PTPRT: variants seen among roughly 807,000 people sequenced by gnomAD.
PTPRT encodes the protein protein tyrosine phosphatase receptor type T, also known as receptor-type tyrosine-protein phosphatase T.
In PTPRT, 56 loss-of-function variants were observed where a neutral mutation model predicts 176.8. The ratio of observed to expected loss-of-function variants is 0.32; its 90% confidence interval spans 0.26 to 0.40. The LOEUF is 0.40. Among genes scored for constraint, PTPRT ranks in the 10% least tolerant of loss-of-function variants. PTPRT has a pLI of 1.00. For synonymous variants in PTPRT, 783 were observed against 739.0 expected, an observed-to-expected ratio of 1.06 and a Z score of -0.96; for missense variants, 1,540 against 1,908.2, an observed-to-expected ratio of 0.81 and a Z score of 3.60.
At chr20:42,128,922 A>G in intron 18 of PTPRT, 92 bp from the exon 19 acceptor site, 3 of 1,016,270 alleles carry the variant, frequency 3.0e-6, no homozygotes, top group Non-Finnish European at 4.2e-6. Context: ...TAATGACTGC[A>G]TATCAGGCAT....
chr20:42,308,486 C>T (rs1018708421), intron 12 of PTPRT, among the ~76,000 whole-genome samples: 7 of 152,064 alleles, frequency 4.6e-5, no homozygotes, highest in East Asian at 3.9e-4. Flanking sequence ...CTGGACAAAT[C>T]GGTATATGCC....
chr20:42,898,872 CA>C (rs1308372411), intron 1 of PTPRT, among the ~76,000 whole-genome samples: 3 of 152,126 alleles, frequency 2.0e-5, no homozygotes, highest in Non-Finnish European at 2.9e-5. Flanking sequence ...GCTGAGAGAA[CA>C]GGGGGAGAGA....
chr20:43,082,166 T>C (rs1185658192), intron 1 of PTPRT, among the ~76,000 whole-genome samples: 1 of 152,192 alleles, frequency 6.6e-6, no homozygotes, highest in Non-Finnish European at 1.5e-5. Context: ...AATCACATAT[T>C]GCCTGATCTT....
intron 2 of PTPRT, among the ~76,000 whole-genome samples, chr20:42,877,594 C>A (rs1192630133): frequency 1.3e-5 from 2 of 152,118 alleles, no homozygotes; most frequent in Non-Finnish European, 2.9e-5. Context: ...TGAGAAAGTT[C>A]AATTATTAAT....
chr20:42,926,798 C>A (rs1487524896), intron 1 of PTPRT, among the ~76,000 whole-genome samples: 2 of 152,252 alleles, frequency 1.3e-5, no homozygotes, highest in African/African-American at 2.4e-5. Context: ...AAATAATACA[C>A]GTCAAGCCTC....
rs377283986 is a variant in PTPRT, at chr20:42,576,187, G to A, written c.1153+101679C>T. Among the ~76,000 whole-genome samples the A allele has an allele frequency of 2.6e-5, 4 of 152,152 alleles. No individual in the cohort carries two copies. The South Asian group carries it at 6.2e-4, about 24-fold the overall frequency. On this transcript the variant is annotated intron_variant, in intron 7 of 30. Transcript: ENST00000373187. The stretch of plus-strand genomic sequence containing the variant: ...TGTCCCTAGATAATCTGGCAGGGGC[G>A]CACTTTCTCTCCATTAACAATTCCA...
intron 7 of PTPRT, among the ~76,000 whole-genome samples, chr20:42,642,100 G>A (rs370457283): frequency 8.5e-5 from 13 of 152,084 alleles, no homozygotes; most frequent in African/African-American, 3.1e-4. Flanking sequence ...AATATGTCTG[G>A]GAATTCAGCC....
chr20:42,420,995 A>G (rs1405733063), intron 9 of PTPRT, among the ~76,000 whole-genome samples: 1 of 152,100 alleles, frequency 6.6e-6, no homozygotes, highest in Non-Finnish European at 1.5e-5. Context: ...AAAAGCTCCA[A>G]CCTTGCCCTA....
intron 1 of PTPRT, among the ~76,000 whole-genome samples, chr20:42,908,204 T>C (rs913817402): frequency 5.9e-5 from 9 of 152,072 alleles, no homozygotes; most frequent in African/African-American, 1.9e-4. Flanking sequence ...CCCACGACCA[T>C]GTGACCTTGG....
At chr20:42,735,977 G>C (rs1177644565) in intron 6 of PTPRT, among the ~76,000 whole-genome samples, 1 of 152,056 alleles carries the variant, frequency 6.6e-6, no homozygotes, top group Non-Finnish European at 1.5e-5. Context: ...TAATAATTTT[G>C]GGATATTTGA....
intron 18 of PTPRT, among the ~76,000 whole-genome samples, chr20:42,138,429 T>A (rs573078408): frequency 6.6e-6 from 1 of 152,352 alleles, no homozygotes; most frequent in East Asian, 1.9e-4. Context: ...TCCTACGGAA[T>A]CCTTCCTGGT....
chr20:42,707,390 T>C (rs974869932), intron 6 of PTPRT, among the ~76,000 whole-genome samples: 10 of 152,150 alleles, frequency 6.6e-5, no homozygotes, highest in African/African-American at 2.4e-4. Flanking sequence ...CCCTTGACTC[T>C]AAGAAAGGGA....
chr20:42,072,678 A>C (rs369150397), downstream of PTPRT: 1 of 185,914 alleles, frequency 5.4e-6, no homozygotes. Flanking sequence ...AACCTAGCTG[A>C]TAATTTTTTC....
intron 6 of PTPRT, among the ~76,000 whole-genome samples, chr20:42,721,774 G>GCA (rs2076307429): frequency 6.6e-6 from 1 of 152,150 alleles, no homozygotes; most frequent in Non-Finnish European, 1.5e-5. Flanking sequence ...ATCCATGCAC[G>GCA]CACACACAGG....
At chr20:42,084,921 CTGCAGCA>C in intron 28 of PTPRT, 76 bp from the exon 29 acceptor site, 1 of 1,258,466 alleles carries the variant, frequency 7.9e-7, no homozygotes, top group Admixed American at 3.0e-5. Flanking sequence ...ACCCCGGGGA[CTGCAGCA>C]TCATGGTGGA....
At chr20:43,057,278 G>T (rs867349035) in intron 1 of PTPRT, among the ~76,000 whole-genome samples, 2 of 122,542 alleles carry the variant, frequency 1.6e-5, no homozygotes, top group African/African-American at 3.2e-5. Flanking sequence ...AAGGAGGAAG[G>T]GGGGGAAGGG....
chr20:42,300,713 G>A (rs1049229149), intron 12 of PTPRT, among the ~76,000 whole-genome samples: 8 of 150,958 alleles, frequency 5.3e-5, no homozygotes, highest in African/African-American at 1.9e-4. Context: ...TGGAACAAAT[G>A]ATGGAATTAG....
chr20:43,066,205 C>A (rs748366506), intron 1 of PTPRT, among the ~76,000 whole-genome samples: 13 of 152,158 alleles, frequency 8.5e-5, no homozygotes, highest in Non-Finnish European at 1.8e-4. Flanking sequence ...CTCTCACACA[C>A]CCACCAGTCT....
intron 27 of PTPRT, among the ~76,000 whole-genome samples, chr20:42,094,638 C>G (rs1985003446): frequency 6.6e-6 from 1 of 152,062 alleles, no homozygotes; most frequent in Admixed American, 6.5e-5. Flanking sequence ...GCCTATAACC[C>G]CAGCACTTTG....
Sources: gnomAD v4.1 joint callset for allele counts (sites outside exome capture counted in the v4.1 genomes callset) on GRCh38, gnomAD v4.1.1 for gene constraint, MANE v1.5 for transcripts, NCBI Gene and HGNC (gene_info 2026-07-23, HGNC 2026-07-21) for gene names.